The following STAU2 variants were observed in gnomAD, a reference collection of about 807,000 sequenced individuals.
STAU2 encodes staufen double-stranded RNA binding protein 2.
A neutral mutation model predicts 65.9 loss-of-function variants in STAU2; 20 were observed. That is an observed-to-expected ratio of 0.30 (90% CI 0.21 to 0.44). The LOEUF is 0.44. Among genes scored for constraint, STAU2 ranks in the 20% least tolerant of loss-of-function variants. STAU2 has a pLI of 1.00. For synonymous variants in STAU2, 232 were observed against 233.9 expected (o/e 0.99, Z 0.07); for missense variants, 558 against 683.9 (o/e 0.82, Z 2.05).
chr8:73,673,780 A>C (rs1817850279), intron 5 of STAU2, among the ~76,000 whole-genome samples: 1 of 152,116 alleles, frequency 6.6e-6, no homozygotes, highest in Non-Finnish European at 1.5e-5. Context: ...ATGTCATCGA[A>C]TATATTCCTA....
intron 3 of STAU2, among the ~76,000 whole-genome samples, chr8:73,736,862 G>A (rs756045530): frequency 6.6e-6 from 1 of 152,098 alleles, no homozygotes; most frequent in African/African-American, 2.4e-5. Flanking sequence ...AAGGCAGGGG[G>A]TCAAGATTAC....
At chr8:73,697,665 A>G (rs1819777524) in intron 4 of STAU2, among the ~76,000 whole-genome samples, 1 of 152,376 alleles carries the variant, frequency 6.6e-6, no homozygotes, top group East Asian at 1.9e-4. Context: ...GAAACAACAA[A>G]AAGTTAAAAA....
chr8:73,501,687 T>TCTC (rs1563388814), intron 13 of STAU2, among the ~76,000 whole-genome samples: 2 of 151,898 alleles, frequency 1.3e-5, no homozygotes, highest in East Asian at 3.9e-4. Flanking sequence ...CCTTACCCAT[T>TCTC]AGAGAATTCA....
At chr8:73,504,566 G>A (rs917277778) in intron 13 of STAU2, among the ~76,000 whole-genome samples, 1 of 152,064 alleles carries the variant, frequency 6.6e-6, no homozygotes, top group Non-Finnish European at 1.5e-5. Context: ...AGGAAGCAGA[G>A]ACAACACAGG....
intron 13 of STAU2, among the ~76,000 whole-genome samples, chr8:73,469,678 T>C (rs1033126530): frequency 6.6e-6 from 1 of 151,726 alleles, no homozygotes; most frequent in Non-Finnish European, 1.5e-5. Context: ...AGGAAAAGAA[T>C]ATGGGTGAGA....
rs182501695 is a variant in STAU2 at position 73,457,909 on chromosome 8, G to C, written c.1531-35207C>G. Among the ~76,000 whole-genome samples, 261 of 152,318 alleles carry C rather than the reference G, an allele frequency of 1.7e-3. 2 individuals carry two copies. The highest frequency in any genetic ancestry group is 6.0e-3 in the African/African-American group (250 of 41,578). Reference sequence around the variant, plus strand: ...TTGAGTAGCTGGGTCTTGTGGAGGTGAATGGGGTCTCAGGAGAGGGACCTA... The same window carrying C: ...TTGAGTAGCTGGGTCTTGTGGAGGTCAATGGGGTCTCAGGAGAGGGACCTA... On this transcript the variant is annotated intron_variant, in intron 13 of 14. Coordinates refer to ENST00000524300, the MANE Select transcript of STAU2 (RefSeq NM_001164380.2).
intron 3 of STAU2, among the ~76,000 whole-genome samples, chr8:73,717,065 G>A (rs1442161763): frequency 1.3e-5 from 2 of 152,068 alleles, no homozygotes; most frequent in African/African-American, 4.8e-5. Context: ...AGGTACCACT[G>A]CACTCCAGCC....
chr8:73,456,631 G>A (rs1206391027), intron 13 of STAU2, among the ~76,000 whole-genome samples: 1 of 152,060 alleles, frequency 6.6e-6, no homozygotes, highest in African/African-American at 2.4e-5. Flanking sequence ...ATATTCGGAG[G>A]TCTTGGGGAG....
At chr8:73,668,703 T>C (rs893185747) in intron 6 of STAU2, among the ~76,000 whole-genome samples, 1 of 152,050 alleles carries the variant, frequency 6.6e-6, no homozygotes, top group Non-Finnish European at 1.5e-5. Context: ...CATAACCGGA[T>C]GTAATTATTG....
At chr8:73,669,256 T>C (rs1224898552) in intron 6 of STAU2, 1 of 565,786 alleles carries the variant, frequency 1.8e-6, no homozygotes, top group Non-Finnish European at 3.1e-6. Context: ...CTTTTTACCT[T>C]TTTGTGATCT....
upstream of STAU2, chr8:73,747,466 T>A: frequency 6.5e-7 from 1 of 1,534,622 alleles, no homozygotes; most frequent in South Asian, 1.2e-5. Context: ...GCCGCCGCTG[T>A]GCAACGCACG....
intron 12 of STAU2, among the ~76,000 whole-genome samples, chr8:73,555,844 A>G (rs1268398298): frequency 6.6e-6 from 1 of 152,214 alleles, no homozygotes; most frequent in African/African-American, 2.4e-5. Context: ...ACTGTATATC[A>G]ATCCTATTTT....
At chr8:73,659,921 A>G (rs1816702069) in intron 6 of STAU2, among the ~76,000 whole-genome samples, 1 of 152,150 alleles carries the variant, frequency 6.6e-6, no homozygotes. Flanking sequence ...AGGGGAGAAA[A>G]ACTTACGGTA....
intron 3 of STAU2, among the ~76,000 whole-genome samples, chr8:73,726,947 C>T (rs1011641628): frequency 1.6e-4 from 25 of 152,140 alleles, no homozygotes; most frequent in African/African-American, 3.9e-4. Flanking sequence ...AGTGAACGTT[C>T]GGCTGGGCAC....
chr8:73,595,948 C>A (rs2129636537), intron 10 of STAU2, among the ~76,000 whole-genome samples: 1 of 152,106 alleles, frequency 6.6e-6, no homozygotes, highest in South Asian at 2.1e-4. Flanking sequence ...CCCGTCTCTA[C>A]TAAAAATACA....
chr8:73,478,428 G>A (rs887269547), intron 13 of STAU2, among the ~76,000 whole-genome samples: 24 of 151,964 alleles, frequency 1.6e-4, no homozygotes, highest in Non-Finnish European at 5.9e-5. Context: ...TGGGCAGCAG[G>A]TTGGACAAGT....
At chr8:73,743,527 C>T (rs1807036892) in intron 1 of STAU2, among the ~76,000 whole-genome samples, 1 of 136,810 alleles carries the variant, frequency 7.3e-6, no homozygotes, top group Admixed American at 8.2e-5. Flanking sequence ...GGCTGGAGTG[C>T]AATGGGCACC....
At chr8:73,669,637 T>TTCTCTCTCTCTCTATC (rs1817517677) in intron 6 of STAU2, among the ~76,000 whole-genome samples, 1 of 141,246 alleles carries the variant, frequency 7.1e-6, no homozygotes, top group African/African-American at 2.6e-5. Flanking sequence ...GAGCCTGGAA[T>TTCTCTCTCTCTCTATC]TCTCTCTCTC....
intron 13 of STAU2, among the ~76,000 whole-genome samples, chr8:73,500,634 G>A (rs575466348): frequency 2.0e-5 from 3 of 151,808 alleles, no homozygotes; most frequent in South Asian, 4.1e-4. Context: ...TTATATTTTC[G>A]ATTAGAAAAT....
Sources: allele counts gnomAD v4.1 joint callset (sites outside exome capture counted in the v4.1 genomes callset), GRCh38; gene constraint gnomAD v4.1.1; transcripts MANE v1.5; gene names NCBI Gene and HGNC (gene_info 2026-07-23, HGNC 2026-07-21).